The following SNTG2 variants were observed in gnomAD, a reference collection of about 807,000 sequenced individuals.
SNTG2 encodes the protein gamma-2-syntrophin.
SNTG2 carries 74 observed loss-of-function variants against 70.9 expected under a neutral mutation model. The ratio of observed to expected loss-of-function variants is 1.04; its 90% CI spans 0.86 to 1.27. SNTG2 has a LOEUF of 1.27. Among genes scored for constraint, SNTG2 ranks in the 50% most tolerant of loss-of-function variants. The pLI is 0.00. For missense variants in SNTG2, 717 were observed against 690.7 expected (o/e 1.04, Z -0.43); for synonymous variants, 278 against 273.8 (o/e 1.02, Z -0.15).
At chr2:1,021,440 A>T (rs546189338) in intron 1 of SNTG2, among the ~76,000 whole-genome samples, 2 of 152,298 alleles carry the variant, frequency 1.3e-5, no homozygotes, top group South Asian at 2.1e-4. Context: ...GCTTTTTAAA[A>T]TCCATCATTT....
chr2:1,135,227 A>G (rs1668302584), intron 4 of SNTG2, among the ~76,000 whole-genome samples: 1 of 152,146 alleles, frequency 6.6e-6, no homozygotes, highest in Admixed American at 6.5e-5. Flanking sequence ...GAATTTGGTT[A>G]TGCATTTTGG....
intron 1 of SNTG2, among the ~76,000 whole-genome samples, chr2:1,004,555 T>C (rs192951201): frequency 1.3e-5 from 2 of 152,308 alleles, no homozygotes; most frequent in African/African-American, 4.8e-5. Flanking sequence ...CAGATAAGCA[T>C]ATGAGGATGC....
intron 1 of SNTG2, among the ~76,000 whole-genome samples, chr2:1,081,968 A>G (rs1307953732): frequency 6.6e-6 from 1 of 152,196 alleles, no homozygotes; most frequent in African/African-American, 2.4e-5. Flanking sequence ...ACCAGATGCA[A>G]TGCAGTGGGG....
chr2:1,057,033 C>G (rs1161257972), intron 1 of SNTG2, among the ~76,000 whole-genome samples: 1 of 151,408 alleles, frequency 6.6e-6, no homozygotes, highest in Non-Finnish European at 1.5e-5. Flanking sequence ...CTGCGGGGAA[C>G]GATGCATGCC....
chr2:1,175,097 G>A (rs554082622), intron 8 of SNTG2, among the ~76,000 whole-genome samples: 1 of 152,038 alleles, frequency 6.6e-6, no homozygotes, highest in Non-Finnish European at 1.5e-5. Flanking sequence ...TATTGTTAAC[G>A]TTTGCTTTTC....
At chr2:1,265,765 A>C (rs961725567) in intron 13 of SNTG2, among the ~76,000 whole-genome samples, 1 of 152,222 alleles carries the variant, frequency 6.6e-6, no homozygotes, top group African/African-American at 2.4e-5. Context: ...AAGTGAATGG[A>C]GATATCTCAG....
intron 6 of SNTG2, among the ~76,000 whole-genome samples, chr2:1,156,601 C>T (rs1669914750): frequency 6.6e-6 from 1 of 152,184 alleles, no homozygotes; most frequent in South Asian, 2.1e-4. Context: ...AGCCAGGGTG[C>T]AGCCACAGAG....
At chr2:1,062,590 T>C (rs1434917859) in intron 1 of SNTG2, among the ~76,000 whole-genome samples, 1 of 152,196 alleles carries the variant, frequency 6.6e-6, no homozygotes, top group Non-Finnish European at 1.5e-5. Context: ...TGTAACAGAA[T>C]TAACAGTCAT....
intron 9 of SNTG2, among the ~76,000 whole-genome samples, chr2:1,215,553 T>A (rs1381738246): frequency 2.6e-5 from 4 of 151,542 alleles, no homozygotes; most frequent in African/African-American, 9.8e-5. Flanking sequence ...TTTTTTTCTT[T>A]TTTTTCTTTT....
At chr2:1,135,828 G>A (rs1050399453) in intron 4 of SNTG2, among the ~76,000 whole-genome samples, 6 of 152,136 alleles carry the variant, frequency 3.9e-5, no homozygotes, top group East Asian at 3.9e-4. Flanking sequence ...AAATCAATGC[G>A]TCTAAATGCA....
chr2:1,145,387 C>G (rs1015784670), intron 6 of SNTG2, among the ~76,000 whole-genome samples: 1 of 152,048 alleles, frequency 6.6e-6, no homozygotes, highest in African/African-American at 2.4e-5. Context: ...TATTAGAAAT[C>G]AAAGAGAGGA....
chr2:1,096,995 G>A (rs551298985), intron 2 of SNTG2, among the ~76,000 whole-genome samples: 2 of 151,934 alleles, frequency 1.3e-5, no homozygotes, highest in Non-Finnish European at 2.9e-5. Flanking sequence ...CCCGAAATAC[G>A]GCTCTTTTTC....
intron 1 of SNTG2, among the ~76,000 whole-genome samples, chr2:1,030,631 A>G (rs1254971506): frequency 6.6e-6 from 1 of 152,208 alleles, no homozygotes; most frequent in Non-Finnish European, 1.5e-5. Flanking sequence ...TGTCAGAGGC[A>G]TGGTGAAGGG....
At position 1,097,594 on chromosome 2, in the gene SNTG2, A is replaced by G. The variant is rs554865619; in HGVS notation, c.211-602A>G. Among the ~76,000 whole-genome samples the G allele has an allele frequency of 7.9e-5, 12 of 152,194 alleles. No individual in the cohort carries two copies. The highest frequency in any genetic ancestry group is 1.6e-4 in the Non-Finnish European group (11 of 68,010). On this transcript the variant is annotated intron_variant, in intron 2 of 16. Coordinates refer to ENST00000308624, the MANE Select transcript of SNTG2 (RefSeq NM_018968.4). This position sits in a 1 kb window ranked among gnomAD's most constrained non-coding sequence, Gnocchi z 4.1. Reference sequence around the variant, plus strand: ...ATAGGTGCATGGCTTAATGCGCAAGAGATTTGGAGATTTTTTACCATTTCA... The same window carrying G: ...ATAGGTGCATGGCTTAATGCGCAAGGGATTTGGAGATTTTTTACCATTTCA...
At chr2:1,203,305 ACT>A (rs1267547596) in intron 8 of SNTG2, among the ~76,000 whole-genome samples, 4 of 152,148 alleles carry the variant, frequency 2.6e-5, no homozygotes, top group Middle Eastern at 3.2e-3. Context: ...ATCCCAGATA[ACT>A]CTGTGAAACT....
intron 8 of SNTG2, among the ~76,000 whole-genome samples, chr2:1,206,868 C>G (rs908583876): frequency 5.9e-5 from 9 of 152,184 alleles, no homozygotes; most frequent in African/African-American, 2.2e-4. Context: ...GTAGAATCCT[C>G]TATGCAATTT....
chr2:1,295,631 G>A (rs1017147105), intron 14 of SNTG2, among the ~76,000 whole-genome samples: 4 of 152,190 alleles, frequency 2.6e-5, no homozygotes, highest in Non-Finnish European at 5.9e-5. Context: ...AGAAGGCTGA[G>A]TCTCCCATGT....
chr2:988,171 C>G (rs1241388002), intron 1 of SNTG2, among the ~76,000 whole-genome samples: 1 of 152,232 alleles, frequency 6.6e-6, no homozygotes, highest in Admixed American at 6.5e-5. Flanking sequence ...GGGACATCAT[C>G]AAGAGGTCAC....
At chr2:1,280,575 C>T (rs970917426) in intron 14 of SNTG2, among the ~76,000 whole-genome samples, 3 of 152,248 alleles carry the variant, frequency 2.0e-5, no homozygotes, top group African/African-American at 7.2e-5. Context: ...GCACCAAGGT[C>T]AGAGGCTCCT....
Sources: gnomAD v4.1 joint callset for allele counts (sites outside exome capture counted in the v4.1 genomes callset) on GRCh38, gnomAD v4.1.1 for gene constraint, Gnocchi (gnomAD v3.1) non-coding constraint, MANE v1.5 for transcripts, NCBI Gene and HGNC (gene_info 2026-07-23, HGNC 2026-07-21) for gene names.